SIL1: variants seen among roughly 807,000 people sequenced by gnomAD.
SIL1 encodes SIL1 nucleotide exchange factor.
In SIL1, 40 loss-of-function variants were observed where a neutral mutation model predicts 49.1. The ratio of observed to expected loss-of-function variants is 0.81; its 90% confidence interval spans 0.63 to 1.06. The LOEUF is 1.06. SIL1 is among the 50% of genes least tolerant of loss of function. SIL1 has a pLI of 0.00. For synonymous variants in SIL1, 253 were observed against 250.8 expected, an observed-to-expected ratio of 1.01 and a Z score of -0.08; for missense variants, 500 against 572.6, an observed-to-expected ratio of 0.87 and a Z score of 1.29.
intron 3 of SIL1, among the ~76,000 whole-genome samples, chr5:139,065,637 G>A (rs1769688051): frequency 6.6e-6 from 1 of 152,214 alleles, no homozygotes; most frequent in African/African-American, 2.4e-5. Flanking sequence ...AGCTGCTGCT[G>A]TGCACACTTC....
At chr5:139,166,594 T>G (rs1751628748) in intron 1 of SIL1, among the ~76,000 whole-genome samples, 1 of 152,164 alleles carries the variant, frequency 6.6e-6, no homozygotes, top group Non-Finnish European at 1.5e-5. Context: ...GAATTTGGGG[T>G]TGCAGTGGGC....
intron 1 of SIL1, among the ~76,000 whole-genome samples, chr5:139,143,326 CACACACACACACACACACAT>C (rs1681673587): frequency 1.6e-5 from 2 of 128,090 alleles, no homozygotes; most frequent in African/African-American, 3.7e-5. Context: ...CACACACACA[CACACACACACACACACACAT>C]ATATATATAT....
intron 5 of SIL1, among the ~76,000 whole-genome samples, chr5:139,040,484 C>CTTTTTTTTTTTTTTTT (rs140792595): frequency 1.1e-5 from 1 of 89,410 alleles, no homozygotes; most frequent in Non-Finnish European, 2.1e-5. Flanking sequence ...AGTATTTTTT[C>CTTTTTTTTTTTTTTTT]TTTTTTCTTT....
chr5:139,137,680 C>A (rs527504580), intron 1 of SIL1, among the ~76,000 whole-genome samples: 2 of 143,008 alleles, frequency 1.4e-5, no homozygotes, highest in East Asian at 4.5e-4. Context: ...TCCCTCCCCC[C>A]TCCCCCAACC....
intron 7 of SIL1, among the ~76,000 whole-genome samples, chr5:139,007,198 A>G (rs1402012118): frequency 1.4e-5 from 2 of 140,334 alleles, no homozygotes; most frequent in East Asian, 4.1e-4. Flanking sequence ...TTGGATTCCT[A>G]GGTATTTTAT....
At chr5:139,028,329 C>T (rs1417138132) in intron 5 of SIL1, among the ~76,000 whole-genome samples, 1 of 152,020 alleles carries the variant, frequency 6.6e-6, no homozygotes, top group Non-Finnish European at 1.5e-5. Flanking sequence ...GAAACCCCAT[C>T]TCTACTAAAA....
At chr5:139,048,157 T>C (rs73267443) in intron 4 of SIL1, among the ~76,000 whole-genome samples, 3,135 of 152,088 alleles carry the variant, frequency 0.021, 95 homozygotes, top group African/African-American at 0.067. Flanking sequence ...ATATTTTGCT[T>C]ATTTATTTTT....
chr5:139,156,165 C>G (rs1042577726), intron 1 of SIL1, among the ~76,000 whole-genome samples: 1 of 152,112 alleles, frequency 6.6e-6, no homozygotes, highest in African/African-American at 2.4e-5. Flanking sequence ...TTTCTGGATA[C>G]CAGGCATCAA....
chr5:139,066,947 G>A (rs1244107774), intron 3 of SIL1, among the ~76,000 whole-genome samples: 2 of 152,090 alleles, frequency 1.3e-5, no homozygotes, highest in Non-Finnish European at 2.9e-5. Context: ...TCTAGTGAGG[G>A]AAACAAATCC....
chr5:138,960,909 T>C (rs1169111766), intron 7 of SIL1, among the ~76,000 whole-genome samples: 1 of 152,072 alleles, frequency 6.6e-6, no homozygotes, highest in African/African-American at 2.4e-5. Context: ...AAAATTAGAG[T>C]TGGGAGGAAC....
chr5:139,046,791 C>T lies in SIL1; in HGVS notation c.354-4072G>A, dbSNP rs1253093923. On this transcript the variant is annotated intron_variant, in intron 4 of 9. Transcript: ENST00000394817. ...GTGAGGATACCAATCCAGTCTTTGA[C>T]AGGTTCCTGGGATCAGCCACATTGG... Among the ~76,000 whole-genome samples, 4 of 152,310 alleles carry T rather than the reference C, an allele frequency of 2.6e-5. No individual in the cohort carries two copies. The South Asian group carries it at 8.3e-4, about 32-fold the overall frequency.
chr5:138,989,448 G>A (rs1349050675), intron 7 of SIL1, among the ~76,000 whole-genome samples: 3 of 152,058 alleles, frequency 2.0e-5, no homozygotes, highest in South Asian at 2.1e-4. Context: ...CAGACTTCAC[G>A]AACACCATCA....
At chr5:139,191,718 G>C (rs1752175322) in intron 1 of SIL1, among the ~76,000 whole-genome samples, 1 of 152,086 alleles carries the variant, frequency 6.6e-6, no homozygotes, top group South Asian at 2.1e-4. Flanking sequence ...TTGAGCCCAG[G>C]AGTTGGAGGT....
chr5:139,091,851 G>A (rs115335479), intron 3 of SIL1, among the ~76,000 whole-genome samples: 1,768 of 152,240 alleles, frequency 0.012, 32 homozygotes, highest in African/African-American at 0.04. Context: ...TAAATGAGAC[G>A]GTGTTTGAAG....
At chr5:139,163,503 G>A (rs949137749) in intron 1 of SIL1, among the ~76,000 whole-genome samples, 1 of 151,920 alleles carries the variant, frequency 6.6e-6, no homozygotes, top group South Asian at 2.1e-4. Flanking sequence ...CTGAGTAGCT[G>A]GGATTACAGG....
At chr5:138,952,479 A>G (rs550532653) in intron 7 of SIL1, among the ~76,000 whole-genome samples, 77 of 152,270 alleles carry the variant, frequency 5.1e-4, no homozygotes, top group East Asian at 1.2e-3. Context: ...GGACAACCCA[A>G]TGCCTCCCAC....
chr5:139,144,863 T>A (rs1751163225), intron 1 of SIL1, among the ~76,000 whole-genome samples: 1 of 151,234 alleles, frequency 6.6e-6, no homozygotes, highest in South Asian at 2.1e-4. Context: ...AAAGCAAGCC[T>A]CCCATCTAAA....
At chr5:139,013,687 A>C (rs1002464075) in intron 7 of SIL1, 1 of 152,228 alleles carries the variant, frequency 6.6e-6, no homozygotes, top group South Asian at 2.1e-4. Flanking sequence ...GAAATGTTTA[A>C]GTATTTAATA....
Position 138,960,413 on chromosome 5 carries a change from C to CTT in SIL1, c.768-8531_768-8530dup, listed in dbSNP as rs150578906. 2.0e-3 allele frequency among the ~76,000 whole-genome samples: 243 copies of CTT among 124,228 alleles called. 3 individuals are homozygous for CTT. Among genetic ancestry groups the CTT allele is most frequent in the African/African-American group, 4.7e-3 (146 of 30,978 alleles). The allele number at this position is 124,228 out of a possible 152,430, so 81.5% of individuals were successfully genotyped here. On this transcript the variant is annotated intron_variant, in intron 7 of 9. Transcript: ENST00000394817. ...TGTTCAAGCTGCTACAAATCTACGTCTTTTTTTTTTTTTTTTTTTTTTGAT... is the reference window on the plus strand; with the variant it reads ...TGTTCAAGCTGCTACAAATCTACGTCTTTTTTTTTTTTTTTTTTTTTTTTGAT...
Sources: gnomAD v4.1 joint callset for allele counts (sites outside exome capture counted in the v4.1 genomes callset) on GRCh38, gnomAD v4.1.1 for gene constraint, MANE v1.5 for transcripts, NCBI Gene and HGNC (gene_info 2026-07-23, HGNC 2026-07-21) for gene names.